PHACTR3: variants seen among roughly 807,000 people sequenced by gnomAD.
PHACTR3 encodes protein phosphatase 1, regulatory subunit 123.
PHACTR3 carries 16 observed loss-of-function variants against 66.8 expected under a neutral mutation model. The observed-to-expected ratio is 0.24, with a 90% CI of 0.16 to 0.36. The LOEUF (loss-of-function observed/expected upper bound fraction) is 0.36. PHACTR3 is among the 10% of genes least tolerant of loss of function. The probability of loss-of-function intolerance (pLI) is 1.00; values close to 1 mark genes in which losing one functional copy is unlikely to be tolerated. For synonymous variants in PHACTR3, 323 were observed against 292.1 expected (o/e 1.11, Z -1.08); for missense variants, 647 against 719.9 (o/e 0.90, Z 1.16).
chr20:59,642,057 C>G (rs1310386847), intron 1 of PHACTR3, among the ~76,000 whole-genome samples: 1 of 152,102 alleles, frequency 6.6e-6, no homozygotes, highest in Non-Finnish European at 1.5e-5. Context: ...ACTCCTGGGT[C>G]TGTGGGTGAT....
Position 59,743,256 on chromosome 20 carries a change from C to T in PHACTR3, c.268C>T (p.Gln90Ter). The change falls in exon 2 of 13, where the codon CAG becomes TAG. Residue 90 changes from glutamine (Q) to a stop codon, truncating the protein, a stop_gained. Transcript: ENST00000371015. LOFTEE classifies it high-confidence loss of function. ...GAAAAAGAAAAACGAAAAACTGAAG[C>T]AGACAACGTCAGGTAAAGGCCTGGT... ...WRKKKNEKLK[Q>*]TTSALEKKMA... The T allele has an allele frequency of 6.2e-7, 1 of 1,614,028 alleles. No individual in the cohort carries two copies.
intron 1 of PHACTR3, among the ~76,000 whole-genome samples, chr20:59,730,955 C>T (rs180864589): frequency 7.2e-5 from 11 of 152,212 alleles, no homozygotes; most frequent in East Asian, 5.8e-4. Context: ...GAGTGAGGGA[C>T]GCATTTTCAA....
At chr20:59,602,628 C>G (rs796985715), upstream of PHACTR3, among the ~76,000 whole-genome samples, 2 of 152,250 alleles carry the variant, frequency 1.3e-5, no homozygotes, top group African/African-American at 4.8e-5. Context: ...TCCCCCCCAC[C>G]TATAGCCAGT....
rs1323291648 is a variant in PHACTR3, at chr20:59,738,765, C to T, written c.119-4342C>T. Among the ~76,000 whole-genome samples the T allele has an allele frequency of 1.3e-5, 2 of 152,078 alleles. No homozygotes were observed. Among genetic ancestry groups the T allele is most frequent in the African/African-American group, 2.4e-5 (1 of 41,402 alleles). ...TATGTGTGTTTCTGGTGATTGCTGCCGATCCTTTGTGAAGGAGGTGAGATA... is the reference window on the plus strand; with the variant it reads ...TATGTGTGTTTCTGGTGATTGCTGCTGATCCTTTGTGAAGGAGGTGAGATA... On this transcript the variant is annotated intron_variant, in intron 1 of 12. Transcript: ENST00000371015. This position sits in a 1 kb window ranked among gnomAD's most constrained non-coding sequence, Gnocchi z 4.4.
intron 1 of PHACTR3, among the ~76,000 whole-genome samples, chr20:59,659,382 T>TTTC (rs1469747078): frequency 2.0e-5 from 3 of 146,518 alleles, no homozygotes; most frequent in African/African-American, 7.7e-5. Flanking sequence ...TTTTTTTTTT[T>TTTC]TTTTTTTTTT....
intron 3 of PHACTR3, among the ~76,000 whole-genome samples, chr20:59,749,724 G>T (rs1051518126): frequency 1.3e-5 from 2 of 152,232 alleles, no homozygotes; most frequent in African/African-American, 2.4e-5. Flanking sequence ...GACAAAACAT[G>T]CATGAGAGGG....
intron 8 of PHACTR3, among the ~76,000 whole-genome samples, chr20:59,834,729 C>G (rs1433565956): frequency 6.6e-6 from 1 of 152,162 alleles, no homozygotes; most frequent in African/African-American, 2.4e-5. Flanking sequence ...CTGAATGTAT[C>G]TGCCCCTGCC....
chr20:59,650,740 CAAAAAAA>C (rs34879994), intron 1 of PHACTR3, among the ~76,000 whole-genome samples: 2 of 61,490 alleles, frequency 3.3e-5, no homozygotes, highest in Admixed American at 1.9e-4. Context: ...GCGTTGATAG[CAAAAAAA>C]AAAAAAAAAA....
chr20:59,584,373 G>A (rs2032956191), intron 1 of PHACTR3, among the ~76,000 whole-genome samples: 1 of 151,260 alleles, frequency 6.6e-6, no homozygotes, highest in Admixed American at 6.6e-5. Flanking sequence ...TTGTGTGTGT[G>A]CGTGTGAGGG....
intron 1 of PHACTR3, among the ~76,000 whole-genome samples, chr20:59,630,549 CT>C (rs1193297825): frequency 6.6e-6 from 1 of 152,216 alleles, no homozygotes; most frequent in Admixed American, 6.5e-5. Flanking sequence ...TCATTTTAAA[CT>C]TTCTTAAGAA....
intron 1 of PHACTR3, among the ~76,000 whole-genome samples, chr20:59,696,681 T>C (rs2037310130): frequency 6.6e-6 from 1 of 152,140 alleles, no homozygotes; most frequent in African/African-American, 2.4e-5. Context: ...CCTGGCTCTG[T>C]CCACACCAGG....
chr20:59,689,199 T>G (rs2037011185), intron 1 of PHACTR3, among the ~76,000 whole-genome samples: 1 of 152,184 alleles, frequency 6.6e-6, no homozygotes, highest in South Asian at 2.1e-4. Context: ...ACAGGCAGCA[T>G]CAGCTCAATG....
At chr20:59,730,970 C>T (rs1327914174) in intron 1 of PHACTR3, among the ~76,000 whole-genome samples, 1 of 152,138 alleles carries the variant, frequency 6.6e-6, no homozygotes, top group Non-Finnish European at 1.5e-5. Flanking sequence ...TTTCAAAACA[C>T]AAATCTGTTG....
chr20:59,741,131 A>G (rs1321881792), intron 1 of PHACTR3, among the ~76,000 whole-genome samples: 1 of 152,196 alleles, frequency 6.6e-6, no homozygotes. Context: ...CCCTTGTGTT[A>G]GCCACACCGT....
At chr20:59,664,205 T>C (rs1211142963) in intron 1 of PHACTR3, among the ~76,000 whole-genome samples, 1 of 152,236 alleles carries the variant, frequency 6.6e-6, no homozygotes, top group East Asian at 1.9e-4. Context: ...GATAAGGCTG[T>C]GAACAATCCA....
chr20:59,648,469 T>A (rs534673494), intron 1 of PHACTR3, among the ~76,000 whole-genome samples: 2 of 152,254 alleles, frequency 1.3e-5, no homozygotes, highest in Non-Finnish European at 2.9e-5. Flanking sequence ...GGCAATTGGG[T>A]AGGAAAAAAT....
At chr20:59,599,519 C>T (rs1208059571) in intron 1 of PHACTR3, among the ~76,000 whole-genome samples, 2 of 152,086 alleles carry the variant, frequency 1.3e-5, no homozygotes, top group Non-Finnish European at 2.9e-5. Flanking sequence ...CAGACTCTTC[C>T]ACATCACCCC....
Position 59,830,245 on chromosome 20 carries a change from T to C in PHACTR3, c.1329-6260T>C, listed in dbSNP as rs1400340802. ...GGCGTGAGTGTCTGATGGAAGAGGG[T>C]ATGAGTGTCTGATAGAAGAGGGTAT... On this transcript the variant is annotated intron_variant, in intron 8 of 12. Coordinates refer to ENST00000371015, the MANE Select transcript of PHACTR3 (RefSeq NM_080672.5). This position sits in a 1 kb window ranked among gnomAD's most constrained non-coding sequence, Gnocchi z 5.8. 1.3e-3 allele frequency among the ~76,000 whole-genome samples: 180 copies of C among 140,136 alleles called. No homozygotes were observed. The highest frequency in any genetic ancestry group is 4.9e-3 in the African/African-American group (154 of 31,548). 91.9% of individuals were successfully genotyped at this position (140,136 alleles called of 152,430 possible). A position where few individuals can be genotyped will look rare whatever the true frequency, so the allele number is the denominator to read the frequency against.
rs568017054 is a variant in PHACTR3 at position 59,666,648 on chromosome 20, AAGAC to A, written c.118+61520_118+61523del. 3.5e-4 allele frequency among the ~76,000 whole-genome samples: 53 copies of A among 152,046 alleles called. No homozygotes were observed. The South Asian group carries it at 9.4e-3, about 27-fold the overall frequency. The stretch of plus-strand genomic sequence containing the variant: ...AGAGGAAGAAAGAGAGAGAGAGACA[AAGAC>A]AGAGAGATAGAGAAACAGGGAGAGA... On this transcript the variant is annotated intron_variant, in intron 1 of 12. Coordinates refer to ENST00000371015, the MANE Select transcript of PHACTR3 (RefSeq NM_080672.5).
Sources: gnomAD v4.1 joint callset for allele counts (sites outside exome capture counted in the v4.1 genomes callset) on GRCh38, gnomAD v4.1.1 for gene constraint, Gnocchi (gnomAD v3.1) non-coding constraint, MANE v1.5 for transcripts, NCBI Gene and HGNC (gene_info 2026-07-23, HGNC 2026-07-21) for gene names.